The following BRINP3 variants were observed in gnomAD, a reference collection of about 807,000 sequenced individuals.
BRINP3 encodes BMP/retinoic acid inducible neural specific 3, also known as BMP/retinoic acid-inducible neural-specific protein 3.
Under a neutral mutation model 71.0 loss-of-function variants are expected in BRINP3, and 19 were observed. That is an observed-to-expected ratio of 0.27 (90% CI 0.19 to 0.39). The LOEUF (loss-of-function observed/expected upper bound fraction) is 0.39. BRINP3 is among the 10% of genes least tolerant of loss of function. The pLI, the probability that BRINP3 is intolerant of heterozygous loss-of-function variation, is 1.00. For synonymous variants in BRINP3, 380 were observed against 337.7 expected, an observed-to-expected ratio of 1.13 and a Z score of -1.37; for missense variants, 959 against 940.8, an observed-to-expected ratio of 1.02 and a Z score of -0.25.
chr1:190,267,231 C>T (rs973473713), intron 3 of BRINP3, among the ~76,000 whole-genome samples: 6 of 151,984 alleles, frequency 3.9e-5, no homozygotes, highest in East Asian at 1.9e-4. Context: ...CATTTACAAA[C>T]GGTGACCATG....
chr1:190,459,714 T>C (rs1184546462), intron 1 of BRINP3, among the ~76,000 whole-genome samples: 1 of 152,036 alleles, frequency 6.6e-6, no homozygotes, highest in Non-Finnish European at 1.5e-5. Context: ...TTTTGCTGCT[T>C]ACATATCCAA....
chr1:190,204,645 C>T (rs1655334799), intron 6 of BRINP3, among the ~76,000 whole-genome samples: 6 of 151,912 alleles, frequency 3.9e-5, no homozygotes, highest in Admixed American at 3.9e-4. Flanking sequence ...AAGTATTATA[C>T]AGGAGGAATT....
intron 7 of BRINP3, among the ~76,000 whole-genome samples, chr1:190,117,373 A>T (rs906581042): frequency 1.3e-5 from 2 of 152,016 alleles, no homozygotes; most frequent in Non-Finnish European, 2.9e-5. Context: ...CCTATATTCA[A>T]TCTTCATTAT....
intron 4 of BRINP3, among the ~76,000 whole-genome samples, chr1:190,262,254 T>C (rs898199546): frequency 6.6e-6 from 1 of 152,054 alleles, no homozygotes; most frequent in Non-Finnish European, 1.5e-5. Context: ...CAGCTAACCT[T>C]GGCCTGGAAA....
chr1:190,303,368 A>G (rs1664868486), intron 2 of BRINP3, among the ~76,000 whole-genome samples: 1 of 151,844 alleles, frequency 6.6e-6, no homozygotes, highest in African/African-American at 2.4e-5. Flanking sequence ...TTCTTTTTGT[A>G]AAATAAATAT....
At chr1:190,352,031 T>A (rs943729734) in intron 2 of BRINP3, among the ~76,000 whole-genome samples, 1 of 152,122 alleles carries the variant, frequency 6.6e-6, no homozygotes, top group Admixed American at 6.5e-5. Flanking sequence ...CTTTATTTTT[T>A]TCTGTATCCA....
At chr1:190,354,651 C>G (rs578041721) in intron 2 of BRINP3, among the ~76,000 whole-genome samples, 1 of 151,798 alleles carries the variant, frequency 6.6e-6, no homozygotes, top group Admixed American at 6.6e-5. Context: ...GATTAATTGC[C>G]ACCCTTTGTA....
intron 7 of BRINP3, 143 bp from the exon 8 acceptor site, chr1:190,099,277 C>A: frequency 1.4e-6 from 1 of 731,052 alleles, no homozygotes; most frequent in Non-Finnish European, 2.2e-6. Flanking sequence ...ATTCATAGAG[C>A]TCATAATTAG....
intron 3 of BRINP3, among the ~76,000 whole-genome samples, chr1:190,270,371 T>C (rs1662001309): frequency 6.6e-6 from 1 of 151,346 alleles, no homozygotes; most frequent in Non-Finnish European, 1.5e-5. Context: ...ATATCAAATT[T>C]TAAAAGCCAT....
At chr1:190,124,635 T>C (rs573828903) in intron 7 of BRINP3, among the ~76,000 whole-genome samples, 1 of 152,232 alleles carries the variant, frequency 6.6e-6, no homozygotes, top group East Asian at 1.9e-4. Context: ...CATTTATTTA[T>C]ATTATGTATT....
At chr1:190,260,262 C>G (rs1156268533) in intron 4 of BRINP3, among the ~76,000 whole-genome samples, 1 of 151,836 alleles carries the variant, frequency 6.6e-6, no homozygotes, top group African/African-American at 2.4e-5. Flanking sequence ...ATTGTATCAC[C>G]TAGTGGAAAT....
At chr1:190,365,469 A>C (rs980587180) in intron 2 of BRINP3, among the ~76,000 whole-genome samples, 3 of 150,564 alleles carry the variant, frequency 2.0e-5, no homozygotes, top group African/African-American at 7.3e-5. Flanking sequence ...GGTATTAAAC[A>C]AATATTATAA....
intron 3 of BRINP3, among the ~76,000 whole-genome samples, chr1:190,269,927 T>C (rs1223981333): frequency 6.6e-6 from 1 of 151,976 alleles, no homozygotes; most frequent in East Asian, 1.9e-4. Flanking sequence ...ATGCAAAACA[T>C]GTCTCACTGT....
At chr1:190,125,351 T>C (rs1054887095) in intron 7 of BRINP3, among the ~76,000 whole-genome samples, 3 of 151,404 alleles carry the variant, frequency 2.0e-5, no homozygotes, top group Non-Finnish European at 4.4e-5. Context: ...ATATATTATA[T>C]ATATACATAC....
At chr1:190,224,310 G>C (rs1657140746) in intron 6 of BRINP3, among the ~76,000 whole-genome samples, 1 of 151,686 alleles carries the variant, frequency 6.6e-6, no homozygotes, top group Non-Finnish European at 1.5e-5. Context: ...CAATGGAATA[G>C]AATAGAGAAC....
chr1:190,454,961 A>G, intron 1 of BRINP3, 21 bp from the exon 2 acceptor site: 1 of 1,179,944 alleles, frequency 8.5e-7, no homozygotes, highest in Non-Finnish European at 1.2e-6. Flanking sequence ...TACACAGGCA[A>G]TTAGTTAACT....
In BRINP3 at chr1:190,363,118, T is replaced by C. The variant is rs574626813; in HGVS notation, c.237-81368A>G. On this transcript the variant is annotated intron_variant, in intron 2 of 7. Coordinates refer to ENST00000367462, the MANE Select transcript of BRINP3 (RefSeq NM_199051.3). ...CTGCCTAAAGGAAGAATGACTGATG[T>C]TTGAGAGGGCCTATTGGGATAGTCA... 3.9e-5 allele frequency among the ~76,000 whole-genome samples: 6 copies of C among 152,214 alleles called. No individual in the cohort carries two copies. The East Asian group carries it at 9.7e-4, about 25-fold the overall frequency.
At chr1:190,375,297 A>G (rs893156987) in intron 2 of BRINP3, among the ~76,000 whole-genome samples, 2 of 151,966 alleles carry the variant, frequency 1.3e-5, no homozygotes, top group Non-Finnish European at 2.9e-5. Context: ...ATACATATAA[A>G]TATATGTGTG....
chr1:190,461,740 A>G (rs574618681), intron 1 of BRINP3, among the ~76,000 whole-genome samples: 1 of 152,170 alleles, frequency 6.6e-6, no homozygotes, highest in Non-Finnish European at 1.5e-5. Context: ...CTTCATGGAA[A>G]TAGAATCTAC....
Sources: gnomAD v4.1 joint callset for allele counts (sites outside exome capture counted in the v4.1 genomes callset) on GRCh38, gnomAD v4.1.1 for gene constraint, MANE v1.5 for transcripts, NCBI Gene and HGNC (gene_info 2026-07-23, HGNC 2026-07-21) for gene names.